Variants in CAMK4 observed in about 807,000 individuals in gnomAD.
The protein encoded by CAMK4 is calcium/calmodulin-dependent protein kinase type IV.
CAMK4 carries 22 observed loss-of-function variants against 44.9 expected under a neutral mutation model. The ratio of observed to expected loss-of-function variants is 0.49; its 90% CI spans 0.35 to 0.70. The LOEUF is 0.70. CAMK4 is among the 30% of genes least tolerant of loss of function. The pLI is 0.01. For missense variants in CAMK4, 498 were observed against 586.8 expected, an observed-to-expected ratio of 0.85 and a Z score of 1.56; for synonymous variants, 218 against 215.4, an observed-to-expected ratio of 1.01 and a Z score of -0.11.
At chr5:111,376,607 G>A (rs570990435) in intron 3 of CAMK4, among the ~76,000 whole-genome samples, 1 of 151,940 alleles carries the variant, frequency 6.6e-6, no homozygotes, top group Non-Finnish European at 1.5e-5. Flanking sequence ...TTCCAAGGCA[G>A]ACATCTTTCA....
chr5:111,443,403 A>G (rs904668868), intron 5 of CAMK4, among the ~76,000 whole-genome samples: 6 of 147,804 alleles, frequency 4.1e-5, no homozygotes, highest in African/African-American at 1.5e-4. Context: ...ATCTTTCTAC[A>G]CCAAGTAATG....
At chr5:111,287,552 T>C (rs1751289670) in intron 1 of CAMK4, among the ~76,000 whole-genome samples, 1 of 152,230 alleles carries the variant, frequency 6.6e-6, no homozygotes, top group African/African-American at 2.4e-5. Flanking sequence ...CAAACATACG[T>C]ATTTACTAAT....
intron 7 of CAMK4, among the ~76,000 whole-genome samples, chr5:111,450,476 G>T (rs1230774548): frequency 4.0e-5 from 6 of 150,830 alleles, no homozygotes; most frequent in African/African-American, 1.5e-4. Flanking sequence ...CCACACTGGG[G>T]GCTCACAATC....
chr5:111,295,327 C>A (rs1580543772), intron 1 of CAMK4, among the ~76,000 whole-genome samples: 1 of 152,340 alleles, frequency 6.6e-6, no homozygotes, highest in South Asian at 2.1e-4. Flanking sequence ...ACAAATTTCT[C>A]ATTTAGATGC....
intron 1 of CAMK4, among the ~76,000 whole-genome samples, chr5:111,326,745 T>A (rs1748908102): frequency 1.3e-5 from 2 of 151,862 alleles, no homozygotes; most frequent in South Asian, 4.1e-4. Flanking sequence ...AGGACGAGGC[T>A]AAGCAGTTGC....
Position 111,224,497 on chromosome 5 carries a change from C to A in CAMK4, c.14C>A (p.Thr5Lys). MLKV[T>K]VPSCSASSCS... ...CCCGCTGCGAAGATGCTCAAAGTCA[C>A]GGTGCCCTCCTGCTCCGCCTCGTCC... The change falls in exon 1 of 11, where the codon ACG becomes AAG. Residue 5 changes from threonine (T) to lysine (K), a missense_variant. This residue lies in a region of CAMK4 where 152 missense variants were observed against 143.7 expected (regional missense o/e 1.06). Coordinates refer to ENST00000282356, the MANE Select transcript of CAMK4 (RefSeq NM_001744.6). The surrounding 1 kb of genome is among the most constrained non-coding windows in gnomAD (Gnocchi z 5.7). The A allele has an allele frequency of 6.2e-7, 1 of 1,605,424 alleles. No individual in the cohort carries two copies. The highest frequency in any genetic ancestry group is 8.5e-7 in the Non-Finnish European group (1 of 1,177,348).
intron 1 of CAMK4, among the ~76,000 whole-genome samples, chr5:111,276,936 A>G (rs917712364): frequency 1.3e-5 from 2 of 152,204 alleles, no homozygotes; most frequent in Non-Finnish European, 2.9e-5. Context: ...TTTAACCTTC[A>G]AAGGCAATAA....
At chr5:111,328,065 T>A (rs1306160327) in intron 1 of CAMK4, among the ~76,000 whole-genome samples, 1 of 120,668 alleles carries the variant, frequency 8.3e-6, no homozygotes, top group Admixed American at 8.6e-5. Flanking sequence ...TTTTGGTGTT[T>A]TAGACATGAA....
Position 111,224,793 on chromosome 5 carries a change from A to G in CAMK4, c.161+149A>G. The G allele has an allele frequency of 1.3e-6, 1 of 792,978 alleles. No individual in the cohort carries two copies. The highest frequency in any genetic ancestry group is 3.2e-5 in the East Asian group (1 of 31,414). 49.1% of individuals were successfully genotyped at this position (792,978 alleles called of 1,614,324 possible). A position where few individuals can be genotyped will look rare whatever the true frequency, so the allele number is the denominator to read the frequency against. On this transcript the variant is annotated intron_variant, in intron 1 of 10. Coordinates refer to ENST00000282356, the MANE Select transcript of CAMK4 (RefSeq NM_001744.6). This position sits in a 1 kb window ranked among gnomAD's most constrained non-coding sequence, Gnocchi z 5.7. ...GTGTCTTGAGAGAGAGCTAACCTTC[A>G]TTCAGGTGCGGCTCGAGTCCTTCCC...
intron 2 of CAMK4, among the ~76,000 whole-genome samples, chr5:111,357,810 T>C (rs1039575943): frequency 1.3e-5 from 2 of 152,094 alleles, no homozygotes; most frequent in Admixed American, 1.3e-4. Context: ...TTAAACACTA[T>C]GTAATGTAGT....
intron 9 of CAMK4, among the ~76,000 whole-genome samples, chr5:111,480,249 AACACACACACAC>A (rs532395570): frequency 2.8e-4 from 34 of 121,272 alleles, no homozygotes; most frequent in Middle Eastern, 4.2e-3. Context: ...TAGGCATGTA[AACACACACACAC>A]ACACACACAC....
At chr5:111,273,686 TA>T (rs1561377780) in intron 1 of CAMK4, among the ~76,000 whole-genome samples, 3 of 48,250 alleles carry the variant, frequency 6.2e-5, no homozygotes, top group Non-Finnish European at 1.1e-4. Flanking sequence ...TTTATATATA[TA>T]TATATATATA....
At chr5:111,318,416 A>G (rs540428006) in intron 1 of CAMK4, among the ~76,000 whole-genome samples, 1 of 152,196 alleles carries the variant, frequency 6.6e-6, no homozygotes, top group African/African-American at 2.4e-5. Flanking sequence ...AAAGTATAAG[A>G]CTCTCTTAAG....
At chr5:111,334,655 A>G (rs969790967) in intron 1 of CAMK4, among the ~76,000 whole-genome samples, 3 of 151,624 alleles carry the variant, frequency 2.0e-5, no homozygotes, top group African/African-American at 7.3e-5. Context: ...ATGTGATGAT[A>G]TATAGAGTTG....
At chr5:111,417,526 A>T (rs980376088) in intron 5 of CAMK4, among the ~76,000 whole-genome samples, 2 of 139,462 alleles carry the variant, frequency 1.4e-5, no homozygotes, top group Admixed American at 7.0e-5. Context: ...CCAGCTAATT[A>T]AAAAAAAAAA....
chr5:111,361,748 G>C (rs990373890), intron 2 of CAMK4, among the ~76,000 whole-genome samples: 1 of 152,002 alleles, frequency 6.6e-6, no homozygotes, highest in African/African-American at 2.4e-5. Context: ...GAAAAGGTGA[G>C]AGAAGGCATT....
chr5:111,467,639 A>G (rs988164891), intron 7 of CAMK4, among the ~76,000 whole-genome samples: 1 of 152,194 alleles, frequency 6.6e-6, no homozygotes, highest in East Asian at 1.9e-4. Context: ...TTGCAAATCA[A>G]CACCGCAATG....
At chr5:111,479,434 G>A (rs962775482) in intron 9 of CAMK4, among the ~76,000 whole-genome samples, 4 of 152,150 alleles carry the variant, frequency 2.6e-5, no homozygotes, top group Non-Finnish European at 4.4e-5. Context: ...ATGCTAACAT[G>A]AGATTGAAAC....
At chr5:111,435,546 A>G in intron 5 of CAMK4, among the ~76,000 whole-genome samples, 1 of 152,100 alleles carries the variant, frequency 6.6e-6, no homozygotes, top group Admixed American at 6.5e-5. Flanking sequence ...GACAATGCAA[A>G]CAGTTCAGCC....
Sources: gnomAD v4.1 joint callset for allele counts (sites outside exome capture counted in the v4.1 genomes callset) on GRCh38, gnomAD v4.1.1 for gene constraint, gnomAD v4.1.1 regional missense constraint, Gnocchi (gnomAD v3.1) non-coding constraint, MANE v1.5 for transcripts, NCBI Gene and HGNC (gene_info 2026-07-23, HGNC 2026-07-21) for gene names.